RAD51B: variants seen among roughly 807,000 people sequenced by gnomAD.
The protein encoded by RAD51B is DNA repair protein RAD51 homolog 2.
RAD51B carries 38 observed loss-of-function variants against 42.2 expected under a neutral mutation model. The observed-to-expected ratio is 0.90, with a 90% CI of 0.70 to 1.18. The LOEUF is 1.18. Ranked by LOEUF, RAD51B falls within the 50% of genes most tolerant of loss-of-function variation. The pLI is 0.00. For missense variants in RAD51B, 373 were observed against 400.7 expected (o/e 0.93, Z 0.59); for synonymous variants, 154 against 145.2 (o/e 1.06, Z -0.43).
intron 5 of RAD51B, among the ~76,000 whole-genome samples, chr14:67,885,582 CA>C (rs1177157285): frequency 6.6e-6 from 1 of 152,118 alleles, no homozygotes; most frequent in Non-Finnish European, 1.5e-5. Flanking sequence ...ATATCACTTA[CA>C]AAAAACATAT....
rs989611980 is a variant in RAD51B, at chr14:67,968,459, C to T, written c.756+81255C>T. 6.6e-5 allele frequency among the ~76,000 whole-genome samples: 10 copies of T among 152,182 alleles called. 1 individual carries two copies. The highest frequency in any genetic ancestry group is 4.1e-4 in the South Asian group (2 of 4,832). On this transcript the variant is annotated intron_variant, in intron 7 of 10. Coordinates refer to ENST00000471583, the MANE Select transcript of RAD51B (RefSeq NM_133510.4). The stretch of plus-strand genomic sequence containing the variant: ...CCTTTTAAAAATGGAATGCTTTTAA[C>T]AGCACCCAAGTCACCTTTTGAATGC...
intron 8 of RAD51B, among the ~76,000 whole-genome samples, chr14:68,311,248 C>T (rs1951555578): frequency 6.6e-6 from 1 of 152,072 alleles, no homozygotes; most frequent in African/African-American, 2.4e-5. Flanking sequence ...TATGTATATG[C>T]CTTTTTTCCC....
intron 7 of RAD51B, among the ~76,000 whole-genome samples, chr14:68,145,080 A>G (rs961919509): frequency 6.6e-6 from 1 of 152,224 alleles, no homozygotes; most frequent in Non-Finnish European, 1.5e-5. Context: ...TTAGAGCTGG[A>G]AAAGCCATTA....
downstream of RAD51B, among the ~76,000 whole-genome samples, chr14:68,615,456 C>G (rs1395433713): frequency 6.6e-6 from 1 of 152,150 alleles, no homozygotes; most frequent in Admixed American, 6.5e-5. Flanking sequence ...CACCATTCTC[C>G]TGCTTCAGCC....
At chr14:67,859,953 TG>T (rs1427046052) in intron 4 of RAD51B, among the ~76,000 whole-genome samples, 1 of 152,096 alleles carries the variant, frequency 6.6e-6, no homozygotes, top group Non-Finnish European at 1.5e-5. Flanking sequence ...CCCGAGGAGC[TG>T]GGATTACAGG....
intron 7 of RAD51B, among the ~76,000 whole-genome samples, chr14:67,964,240 T>G (rs1486849323): frequency 6.6e-6 from 1 of 152,202 alleles, no homozygotes; most frequent in East Asian, 1.9e-4. Flanking sequence ...GCAGCCATTA[T>G]TGAACTCCTA....
chr14:68,592,250 ATGATGTG>A (rs368306835), intron 10 of RAD51B, among the ~76,000 whole-genome samples: 4,807 of 140,036 alleles, frequency 0.034, 236 homozygotes, highest in African/African-American at 0.13. Context: ...GGGGTAGGCA[ATGATGTG>A]TGTGTGTGTG....
At chr14:68,339,538 C>T (rs1011704053) in intron 8 of RAD51B, 13 of 387,808 alleles carry the variant, frequency 3.4e-5, no homozygotes, top group Non-Finnish European at 5.0e-5. Flanking sequence ...TCTTGGGTGG[C>T]GGGAGGAGAG....
rs546869782 is a variant in RAD51B, at chr14:68,296,320, CA to C, written c.853+4341del. Among the ~76,000 whole-genome samples, 287 of 152,198 alleles carry C rather than the reference CA, an allele frequency of 1.9e-3. 2 individuals carry two copies. Among genetic ancestry groups the C allele is most frequent in the Non-Finnish European group, 3.3e-3 (221 of 67,986 alleles). ...GTTCTAGACTAGGTACTTTGAGTCA[CA>C]GTATTTTCTTCTTCAGATTTCATTT... On this transcript the variant is annotated intron_variant, in intron 8 of 10. Transcript: ENST00000471583.
intron 7 of RAD51B, among the ~76,000 whole-genome samples, chr14:68,142,778 G>A (rs1300543265): frequency 6.6e-6 from 1 of 152,146 alleles, no homozygotes; most frequent in African/African-American, 2.4e-5. Flanking sequence ...TTCTCTGAGT[G>A]CTGTTCTGTG....
intron 8 of RAD51B, among the ~76,000 whole-genome samples, chr14:68,349,052 G>A (rs553073137): frequency 6.6e-6 from 1 of 152,306 alleles, no homozygotes; most frequent in South Asian, 2.1e-4. Flanking sequence ...CTGGACAAAT[G>A]AGCATGGCTG....
intron 4 of RAD51B, among the ~76,000 whole-genome samples, chr14:67,861,223 C>T (rs1365027046): frequency 1.3e-5 from 2 of 151,596 alleles, no homozygotes; most frequent in Non-Finnish European, 2.9e-5. Context: ...AAAATCCTAA[C>T]TGTTGTATAG....
At chr14:68,658,048 CT>C (rs1358094749) in intron 11 of RAD51B, among the ~76,000 whole-genome samples, 1 of 152,248 alleles carries the variant, frequency 6.6e-6, no homozygotes, top group Non-Finnish European at 1.5e-5. Flanking sequence ...GGCCCAGGCA[CT>C]GAGGTCTTCC....
chr14:68,182,084 G>C (rs990483025), intron 7 of RAD51B, among the ~76,000 whole-genome samples: 1 of 152,202 alleles, frequency 6.6e-6, no homozygotes, highest in Non-Finnish European at 1.5e-5. Context: ...AGGTGCTTGA[G>C]AAGCCTTGGT....
chr14:68,189,662 A>C (rs1437863806), intron 7 of RAD51B, among the ~76,000 whole-genome samples: 2 of 151,866 alleles, frequency 1.3e-5, no homozygotes, highest in Non-Finnish European at 1.5e-5. Flanking sequence ...CTTCCCTTAA[A>C]TTTATTATTA....
At chr14:68,123,970 C>T (rs1595433377) in intron 7 of RAD51B, among the ~76,000 whole-genome samples, 1 of 152,286 alleles carries the variant, frequency 6.6e-6, no homozygotes, top group East Asian at 1.9e-4. Flanking sequence ...TGTGTTTCTT[C>T]AGGCTCTAAG....
intron 9 of RAD51B, among the ~76,000 whole-genome samples, chr14:68,440,027 G>T: frequency 6.6e-6 from 1 of 152,218 alleles, no homozygotes; most frequent in East Asian, 1.9e-4. Context: ...GGAGGGAAAG[G>T]ATTATTAAGC....
At chr14:68,533,726 G>GA (rs767314031) in intron 10 of RAD51B, among the ~76,000 whole-genome samples, 12 of 150,836 alleles carry the variant, frequency 8.0e-5, no homozygotes, top group East Asian at 1.9e-4. Flanking sequence ...CTTTACTATG[G>GA]AAAAAAAAAT....
chr14:68,223,766 A>G (rs1271295165), intron 7 of RAD51B, among the ~76,000 whole-genome samples: 5 of 152,234 alleles, frequency 3.3e-5, no homozygotes, highest in Non-Finnish European at 7.3e-5. Flanking sequence ...ATGAGCTTAG[A>G]TTCTCAATTG....
Sources: gnomAD v4.1 joint callset for allele counts (sites outside exome capture counted in the v4.1 genomes callset) on GRCh38, gnomAD v4.1.1 for gene constraint, MANE v1.5 for transcripts, NCBI Gene and HGNC (gene_info 2026-07-23, HGNC 2026-07-21) for gene names.